The following OR52E5 variants were observed in gnomAD, a reference collection of about 807,000 sequenced individuals.
The protein encoded by OR52E5 is olfactory receptor family 52 subfamily E member 5, also known as olfactory receptor 52E5.
chr11:5,897,749 G>A (rs1847195066), intron 2 of OR52E5, among the ~76,000 whole-genome samples: 1 of 152,126 alleles, frequency 6.6e-6, no homozygotes, highest in South Asian at 2.1e-4. Context: ...CTGTGTAAGT[G>A]TTCCTTTTTC....
In OR52E5 at chr11:5,900,746, A is replaced by T; in HGVS notation, c.-31A>T. On this transcript the variant is annotated 5_prime_UTR_variant, in exon 3 of 3. The change creates a new upstream start codon in the 5' untranslated region. Coordinates refer to ENST00000610445, the MANE Select transcript of OR52E5 (RefSeq NM_001005166.5). ...CACTGGAAGCAAGAAAACTCATGCA[A>T]GAAATGTGTCTGTAGGGAATGGCCA... 5.0e-6 allele frequency: 2 copies of T among 399,844 alleles called. No individual in the cohort carries two copies. The highest frequency in any genetic ancestry group is 4.4e-6 in the Non-Finnish European group (1 of 226,170). 24.8% of individuals were successfully genotyped at this position (399,844 alleles called of 1,614,324 possible).
At chr11:5,897,991 T>C (rs545928384) in intron 2 of OR52E5, among the ~76,000 whole-genome samples, 2 of 151,948 alleles carry the variant, frequency 1.3e-5, no homozygotes, top group South Asian at 2.1e-4. Flanking sequence ...CCCTCCTGAG[T>C]AGCTGTAACC....
intron 2 of OR52E5, among the ~76,000 whole-genome samples, chr11:5,897,563 ATTG>A (rs1847192542): frequency 6.6e-6 from 1 of 152,182 alleles, no homozygotes; most frequent in Non-Finnish European, 1.5e-5. Context: ...CATGACTGCT[ATTG>A]TGAATAGTGC....
At chr11:5,896,034 G>A (rs1174290288) in intron 2 of OR52E5, among the ~76,000 whole-genome samples, 2 of 151,810 alleles carry the variant, frequency 1.3e-5, no homozygotes, top group East Asian at 3.9e-4. Context: ...GGGAAACAGA[G>A]AGAGACTCCA....
At chr11:5,898,664 G>C (rs927222874) in intron 2 of OR52E5, among the ~76,000 whole-genome samples, 1 of 152,112 alleles carries the variant, frequency 6.6e-6, no homozygotes, top group African/African-American at 2.4e-5. Flanking sequence ...CATATGGCTA[G>C]ACAATTTCCC....
Position 5,902,407 on chromosome 11 carries a change from A to G in OR52E5, c.*647A>G, listed in dbSNP as rs183360614. 17 of 152,362 alleles carry G rather than the reference A, an allele frequency of 1.1e-4. No individual in the cohort carries two copies. Among genetic ancestry groups the G allele is most frequent in the African/African-American group, 4.1e-4 (17 of 41,594 alleles). The allele number at this position is 152,362 out of a possible 1,614,324, so 9.4% of individuals were successfully genotyped here. On this transcript the variant is annotated 3_prime_UTR_variant, in exon 3 of 3. Coordinates refer to ENST00000610445, the MANE Select transcript of OR52E5 (RefSeq NM_001005166.5). ...GTTATTTCTAATGTATGTAGATTTC[A>G]TTTACTAATCCACTCTAGTATACAA...
In OR52E5 at chr11:5,901,647, T is replaced by C; in HGVS notation, c.871T>C (p.Tyr291His). ...VFPPALNSVIYGVKTKQIREQ... is the reference protein window; with the variant it reads ...VFPPALNSVIHGVKTKQIREQ... ...TCCCCCTGCTCTTAACTCTGTTATC[T>C]ATGGGGTCAAAACAAAACAGATACG... is the stretch of plus-strand genomic sequence containing the variant. Residue 291 changes from tyrosine (Y) to histidine (H), a missense_variant, in exon 3 of 3, where the codon TAT becomes CAT. By Grantham distance (83) the Tyr-to-His change is moderately conservative. Coordinates refer to ENST00000610445, the MANE Select transcript of OR52E5 (RefSeq NM_001005166.5). The C allele has an allele frequency of 2.5e-6, 1 of 401,360 alleles. No homozygotes were observed. Among genetic ancestry groups the C allele is most frequent in the Non-Finnish European group, 4.4e-6 (1 of 226,246 alleles). The allele number at this position is 401,360 out of a possible 1,614,324, so 24.9% of individuals were successfully genotyped here.
chr11:5,894,908 T>C (rs1847153248), intron 1 of OR52E5, among the ~76,000 whole-genome samples: 1 of 152,168 alleles, frequency 6.6e-6, no homozygotes, highest in Non-Finnish European at 1.5e-5. Context: ...TTTGCCCCAA[T>C]AAAATTTAAT....
chr11:5,898,983 GGGAATTTCATA>G (rs1279996351), intron 2 of OR52E5, among the ~76,000 whole-genome samples: 3 of 152,022 alleles, frequency 2.0e-5, no homozygotes, highest in South Asian at 2.1e-4. Flanking sequence ...AAATGGCTTT[GGGAATTTCATA>G]GGAATTTCAT....
chr11:5,893,854 A>G (rs1295522205), intron 1 of OR52E5, among the ~76,000 whole-genome samples: 1 of 152,150 alleles, frequency 6.6e-6, no homozygotes, highest in African/African-American at 2.4e-5. Flanking sequence ...GGGACAACTT[A>G]GAGAGATCAA....
At position 5,901,090 on chromosome 11, in the gene OR52E5, C is replaced by T; in HGVS notation, c.314C>T (p.Thr105Ile). Residue 105 changes from threonine to isoleucine, a missense_variant, in exon 3 of 3, where the codon ACC becomes ATC. Physicochemically the swap from Thr to Ile is moderately conservative, Grantham distance 89. Transcript: ENST00000610445. The part of the protein sequence containing the change: ...AFGACITQMY[T>I]IHICTGLESV... ...GGTGCCTGCATCACACAGATGTATA[C>T]CATTCATATATGCACTGGCCTGGAG... 1 of 401,576 alleles carries T rather than the reference C, an allele frequency of 2.5e-6. No homozygotes were observed. The highest frequency in any genetic ancestry group is 3.6e-5 in the East Asian group (1 of 28,076). 24.9% of individuals were successfully genotyped at this position (401,576 alleles called of 1,614,324 possible).
In OR52E5 at chr11:5,901,136, G is replaced by A. The variant is rs16926729; in HGVS notation, c.360G>A (p.Thr120=). Residue 120 remains threonine, a synonymous_variant, in exon 3 of 3, where the codon ACG becomes ACA. Coordinates refer to ENST00000610445, the MANE Select transcript of OR52E5 (RefSeq NM_001005166.5). Reference sequence around the variant, plus strand: ...TGGAGTCTGTGGTACTGACAGTCACGGGCATAGATCGCTATATTGCCATCT... The same window carrying A: ...TGGAGTCTGTGGTACTGACAGTCACAGGCATAGATCGCTATATTGCCATCT... ...TGLESVVLTV[T]GIDRYIAICN... is the part of the protein sequence containing the mutation. The A allele has an allele frequency of 0.051, 20,444 of 401,328 alleles. 940 individuals carry two copies. The highest frequency in any genetic ancestry group is 0.17 in the East Asian group (4,883 of 28,066). 24.9% of individuals were successfully genotyped at this position (401,328 alleles called of 1,614,324 possible). A position where few individuals can be genotyped will look rare whatever the true frequency, so the allele number is the denominator to read the frequency against.
Position 5,900,948 on chromosome 11 carries a change from C to A in OR52E5, c.172C>A (p.His58Asn). Reference sequence around the variant, plus strand: ...TGTGATACAGACTGAACAGAGCCTCCACCAACCCATGTTTTACTTCCTAGC... The same window carrying A: ...TGTGATACAGACTGAACAGAGCCTCAACCAACCCATGTTTTACTTCCTAGC... Reference protein sequence around the residue: ...LFVIQTEQSLHQPMFYFLAML... With the variant: ...LFVIQTEQSLNQPMFYFLAML... Residue 58 changes from histidine (H) to asparagine (N), a missense_variant, in exon 3 of 3, where the codon CAC becomes AAC. His to Asn is a moderately conservative substitution (Grantham distance 68). Transcript: ENST00000610445. 1 of 401,566 alleles carries A rather than the reference C, an allele frequency of 2.5e-6. No homozygotes were observed. The highest frequency in any genetic ancestry group is 3.6e-5 in the East Asian group (1 of 28,078). The allele number at this position is 401,566 out of a possible 1,614,324, so 24.9% of individuals were successfully genotyped here.
chr11:5,896,201 G>C (rs1847171756), intron 2 of OR52E5, among the ~76,000 whole-genome samples: 1 of 128,010 alleles, frequency 7.8e-6, no homozygotes, highest in South Asian at 2.5e-4. Context: ...AGGAGATCAA[G>C]ACATCAAGAC....
chr11:5,902,589 G>A lies in OR52E5; in HGVS notation c.*829G>A, dbSNP rs1024093453. The A allele has an allele frequency of 6.6e-6, 1 of 152,198 alleles. No individual in the cohort carries two copies. Among genetic ancestry groups the A allele is most frequent in the Non-Finnish European group, 1.5e-5 (1 of 68,044 alleles). The allele number at this position is 152,198 out of a possible 1,614,324, so 9.4% of individuals were successfully genotyped here. ...TTTCTGTCTTGGGCTTAAGGACTCA[G>A]GGAAATCCCATCCTCCACAGTCTTT... On this transcript the variant is annotated 3_prime_UTR_variant, in exon 3 of 3. Transcript: ENST00000610445.
Position 5,901,415 on chromosome 11 carries a change from T to C in OR52E5, c.639T>C (p.Ile213=). 1 of 401,600 alleles carries C rather than the reference T, an allele frequency of 2.5e-6. No homozygotes were observed. Among genetic ancestry groups the C allele is most frequent in the Non-Finnish European group, 4.4e-6 (1 of 226,322 alleles). The allele number at this position is 401,600 out of a possible 1,614,324, so 24.9% of individuals were successfully genotyped here. A position where few individuals can be genotyped will look rare whatever the true frequency, so the allele number is the denominator to read the frequency against. Residue 213 remains isoleucine (I), a synonymous_variant, in exon 3 of 3, where the codon ATT becomes ATC. Transcript: ENST00000610445. ...FSVGYIDISV[I]GFSYVQILRA... is the part of the protein sequence containing the mutation. ...TGGGATACATTGACATTTCTGTGAT[T>C]GGATTTTCCTATGTCCAGATCCTCC...
intron 2 of OR52E5, among the ~76,000 whole-genome samples, chr11:5,898,608 T>C (rs1024243312): frequency 1.3e-5 from 2 of 152,154 alleles, no homozygotes; most frequent in African/African-American, 4.8e-5. Flanking sequence ...CATTTTGAGT[T>C]AATTTTGTAT....
At position 5,900,775 on chromosome 11, in the gene OR52E5, A is replaced by G; in HGVS notation, c.-2A>G. 1 of 400,806 alleles carries G rather than the reference A, an allele frequency of 2.5e-6. No homozygotes were observed. 24.8% of individuals were successfully genotyped at this position (400,806 alleles called of 1,614,324 possible). On this transcript the variant is annotated 5_prime_UTR_variant, in exon 3 of 3. Transcript: ENST00000610445. ...ATGTGTCTGTAGGGAATGGCCACCA[A>G]TATGCTTCATACCAACAATACACAG...
intron 1 of OR52E5, among the ~76,000 whole-genome samples, chr11:5,893,815 T>A (rs183203701): frequency 1.7e-3 from 262 of 152,022 alleles, no homozygotes; most frequent in African/African-American, 5.7e-3. Context: ...ACAAAAAAAA[T>A]AAAAAAGGCT....
Sources: gnomAD v4.1 joint callset for allele counts (sites outside exome capture counted in the v4.1 genomes callset) on GRCh38, gnomAD v4.1.1 for gene constraint, MANE v1.5 for transcripts, NCBI Gene and HGNC (gene_info 2026-07-23, HGNC 2026-07-21) for gene names.